LRP1B: variants seen among roughly 807,000 people sequenced by gnomAD.
The protein encoded by LRP1B is low-density lipoprotein receptor-related protein 1B.
LRP1B carries 217 observed loss-of-function variants against 556.6 expected under a neutral mutation model. That is an observed-to-expected ratio of 0.39 (90% CI 0.35 to 0.44). The LOEUF (loss-of-function observed/expected upper bound fraction) is 0.44, where lower values mean the gene tolerates loss of function less well. LRP1B is among the 20% of genes least tolerant of loss of function. The pLI is 1.00. For synonymous variants in LRP1B, 2,047 were observed against 1,865.8 expected, an observed-to-expected ratio of 1.10 and a Z score of -2.50; for missense variants, 5,053 against 5,620.8, an observed-to-expected ratio of 0.90 and a Z score of 3.23.
At chr2:140,634,513 C>T (rs1684004068) in intron 41 of LRP1B, among the ~76,000 whole-genome samples, 2 of 152,122 alleles carry the variant, frequency 1.3e-5, no homozygotes, top group South Asian at 2.1e-4. Context: ...TGAATAATGA[C>T]TTCCTTCCAA....
intron 66 of LRP1B, among the ~76,000 whole-genome samples, chr2:140,414,834 G>A (rs1442772281): frequency 6.6e-6 from 1 of 152,144 alleles, no homozygotes; most frequent in South Asian, 2.1e-4. Flanking sequence ...TTTAGGGAAC[G>A]AGGGAAGACA....
At chr2:140,627,792 A>G (rs1683719792) in intron 41 of LRP1B, among the ~76,000 whole-genome samples, 1 of 152,214 alleles carries the variant, frequency 6.6e-6, no homozygotes. Flanking sequence ...AGGAAAAATC[A>G]TGAAATTGGT....
At chr2:141,366,137 G>A (rs1453077817) in intron 3 of LRP1B, among the ~76,000 whole-genome samples, 2 of 152,060 alleles carry the variant, frequency 1.3e-5, no homozygotes, top group Admixed American at 1.3e-4. Flanking sequence ...CTACTCTACA[G>A]ATATATCTCA....
chr2:142,001,741 TC>T (rs1346745307), intron 1 of LRP1B, among the ~76,000 whole-genome samples: 2 of 152,170 alleles, frequency 1.3e-5, no homozygotes, highest in Non-Finnish European at 2.9e-5. Context: ...GTGTCCATAA[TC>T]CAATGGTAAT....
intron 33 of LRP1B, 69 bp downstream of exon 33, chr2:140,776,029 G>T (rs188572675): frequency 1.6e-6 from 2 of 1,237,830 alleles, no homozygotes; most frequent in Non-Finnish European, 2.2e-6. Flanking sequence ...TTGTTGAATT[G>T]AGGAGCTAAT....
chr2:141,926,143 A>G (rs1700329277), intron 1 of LRP1B, among the ~76,000 whole-genome samples: 1 of 152,214 alleles, frequency 6.6e-6, no homozygotes, highest in Non-Finnish European at 1.5e-5. Context: ...TTATTTCAAC[A>G]TGCATACAGA....
At chr2:142,107,966 TTTATA>T (rs1443256834) in intron 1 of LRP1B, among the ~76,000 whole-genome samples, 4 of 150,076 alleles carry the variant, frequency 2.7e-5, no homozygotes, top group Admixed American at 2.0e-4. Context: ...ATTATATATA[TTTATA>T]TTATATAATT....
chr2:140,791,213 C>T (rs149769754), intron 32 of LRP1B, among the ~76,000 whole-genome samples: 3,215 of 151,868 alleles, frequency 0.021, 103 homozygotes, highest in African/African-American at 0.071. Flanking sequence ...AAGATTGCAC[C>T]GCTGCACTCC....
chr2:140,516,515 TG>T (rs1478752467), intron 50 of LRP1B, among the ~76,000 whole-genome samples: 8 of 151,954 alleles, frequency 5.3e-5, no homozygotes, highest in African/African-American at 1.2e-4. Flanking sequence ...CAATAATAGG[TG>T]GGGGAAATAT....
At chr2:140,612,015 T>C (rs1373714693) in intron 41 of LRP1B, among the ~76,000 whole-genome samples, 2 of 152,056 alleles carry the variant, frequency 1.3e-5, no homozygotes, top group Admixed American at 6.5e-5. Flanking sequence ...TTAGTTGATG[T>C]TTAAGACAAA....
At position 140,780,243 on chromosome 2, in the gene LRP1B, C is replaced by A. The variant is rs368416037; in HGVS notation, c.5360-4005G>T. Among the ~76,000 whole-genome samples, 6 of 152,096 alleles carry A rather than the reference C, an allele frequency of 3.9e-5. No individual in the cohort carries two copies. The East Asian group carries it at 5.8e-4, about 15-fold the overall frequency. ...ATGAGTCTCTTCTGTCTTATTTGTT[C>A]TGTTATTATGTGTTTATTACTTCAG... On this transcript the variant is annotated intron_variant, in intron 32 of 90. Transcript: ENST00000389484.
At chr2:141,449,880 A>G (rs1160071131) in intron 3 of LRP1B, among the ~76,000 whole-genome samples, 1 of 152,136 alleles carries the variant, frequency 6.6e-6, no homozygotes, top group African/African-American at 2.4e-5. Context: ...TGCCCTGTGC[A>G]TTGTAGGATG....
intron 1 of LRP1B, among the ~76,000 whole-genome samples, chr2:141,943,031 A>C (rs1426614308): frequency 6.6e-6 from 1 of 152,228 alleles, no homozygotes; most frequent in African/African-American, 2.4e-5. Flanking sequence ...CTAGAAACTA[A>C]TGATATAATA....
intron 83 of LRP1B, among the ~76,000 whole-genome samples, chr2:140,310,128 T>TGCTCCCC (rs1288762483): frequency 3.2e-4 from 49 of 151,878 alleles, no homozygotes; most frequent in African/African-American, 1.2e-3. Flanking sequence ...CTCTGCTTTC[T>TGCTCCCC]GCTCCCCAAA....
intron 59 of LRP1B, among the ~76,000 whole-genome samples, chr2:140,483,400 T>G (rs541747490): frequency 3.3e-5 from 5 of 151,666 alleles, no homozygotes; most frequent in Admixed American, 1.3e-4. Context: ...TTCACTAGAA[T>G]AGGACACAGG....
intron 41 of LRP1B, among the ~76,000 whole-genome samples, chr2:140,652,848 A>T (rs1559033360): frequency 6.6e-6 from 1 of 152,062 alleles, no homozygotes; most frequent in African/African-American, 2.4e-5. Flanking sequence ...GATTACTGAA[A>T]CCAGTTAAAA....
intron 41 of LRP1B, among the ~76,000 whole-genome samples, chr2:140,646,696 G>A (rs1437339287): frequency 6.6e-6 from 1 of 151,770 alleles, no homozygotes; most frequent in Non-Finnish European, 1.5e-5. Context: ...ATTTCTCTTT[G>A]AGTATTTTAT....
chr2:141,359,330 A>C (rs1688737519), intron 3 of LRP1B, among the ~76,000 whole-genome samples: 1 of 151,822 alleles, frequency 6.6e-6, no homozygotes, highest in Non-Finnish European at 1.5e-5. Context: ...TACACACTGG[A>C]AGTTTTATTT....
chr2:142,060,868 C>T (rs1193303612), intron 1 of LRP1B, among the ~76,000 whole-genome samples: 2 of 151,906 alleles, frequency 1.3e-5, no homozygotes. Flanking sequence ...GTTGGATGCT[C>T]TTTGAGAGAT....
Sources: gnomAD v4.1 joint callset for allele counts (sites outside exome capture counted in the v4.1 genomes callset) on GRCh38, gnomAD v4.1.1 for gene constraint, MANE v1.5 for transcripts, NCBI Gene and HGNC (gene_info 2026-07-23, HGNC 2026-07-21) for gene names.